Variants in COPS7B observed in about 807,000 individuals in gnomAD.
The protein encoded by COPS7B is COP9 signalosome subunit 7B, also known as COP9 signalosome complex subunit 7b.
In COPS7B, 9 loss-of-function variants were observed where a neutral mutation model predicts 33.4. That is an observed-to-expected ratio of 0.27 (90% confidence interval 0.16 to 0.47). The LOEUF is 0.47. COPS7B is among the 20% of genes least tolerant of loss of function. COPS7B has a pLI of 0.99. For synonymous variants in COPS7B, 119 were observed against 126.3 expected (o/e 0.94, Z 0.39); for missense variants, 242 against 318.2 (o/e 0.76, Z 1.82).
chr2:231,786,460 C>G lies in COPS7B; in HGVS notation c.-95C>G, dbSNP rs1332662636. The G allele has an allele frequency of 6.1e-6, 6 of 985,940 alleles. No homozygotes were observed. The highest frequency in any genetic ancestry group is 7.2e-6 in the Non-Finnish European group (6 of 830,116). 61.1% of individuals were successfully genotyped at this position (985,940 alleles called of 1,614,324 possible). A position where few individuals can be genotyped will look rare whatever the true frequency, so the allele number is the denominator to read the frequency against. Reference sequence around the variant, plus strand: ...GAAAAGCGCCGGACGCCGGGGTGATCATGGACGCTTGACAACCTGCGGGCA... The same window carrying G: ...GAAAAGCGCCGGACGCCGGGGTGATGATGGACGCTTGACAACCTGCGGGCA... On this transcript the variant is annotated 5_prime_UTR_variant, in exon 1 of 7. The change creates a new upstream start codon in the 5' untranslated region. Coordinates refer to ENST00000350033, the MANE Select transcript of COPS7B (RefSeq NM_022730.4).
At chr2:231,792,029 A>T (rs757707837) in intron 3 of COPS7B, 2 of 675,516 alleles carry the variant, frequency 3.0e-6, no homozygotes. Context: ...CTCATCCACA[A>T]ATGTAGCCCT....
At chr2:231,784,337 C>A (rs1475626609), upstream of COPS7B, among the ~76,000 whole-genome samples, 1 of 151,766 alleles carries the variant, frequency 6.6e-6, no homozygotes. Context: ...AATAAATTTG[C>A]CGGGTGTGGT....
chr2:231,797,770 T>A (rs2049616075), intron 5 of COPS7B, among the ~76,000 whole-genome samples: 2 of 152,230 alleles, frequency 1.3e-5, no homozygotes, highest in Non-Finnish European at 2.9e-5. Flanking sequence ...TTCAACTTTT[T>A]CATTTTTAAA....
intron 6 of COPS7B, chr2:231,801,069 C>T: frequency 7.9e-7 from 1 of 1,270,644 alleles, no homozygotes; most frequent in Non-Finnish European, 1.1e-6. Context: ...CTCTGTTACC[C>T]TTGGCCTAAC....
At chr2:231,783,596 A>G (rs548596157), upstream of COPS7B, among the ~76,000 whole-genome samples, 2 of 152,270 alleles carry the variant, frequency 1.3e-5, no homozygotes, top group Admixed American at 1.3e-4. Flanking sequence ...CAACTTTTAA[A>G]AATTGGGCTG....
At chr2:231,796,394 G>C (rs907819113) in intron 5 of COPS7B, 86 bp downstream of exon 5, 7 of 1,283,766 alleles carry the variant, frequency 5.5e-6, no homozygotes, top group African/African-American at 2.9e-5. Flanking sequence ...TCAGCTGAGG[G>C]TTTGGGGTGG....
At chr2:231,788,315 T>C (rs2049311696) in intron 1 of COPS7B, among the ~76,000 whole-genome samples, 1 of 152,130 alleles carries the variant, frequency 6.6e-6, no homozygotes. Flanking sequence ...TTTGTATTTT[T>C]AGTAGAGATG....
chr2:231,798,254 C>CTTTT (rs532747492), intron 5 of COPS7B, among the ~76,000 whole-genome samples: 11 of 116,744 alleles, frequency 9.4e-5, no homozygotes, highest in Non-Finnish European at 1.2e-4. Flanking sequence ...ATTCTACCTT[C>CTTTT]TTTTTTTTTT....
Position 231,808,577 on chromosome 2 carries a change from G to A in COPS7B, c.*932G>A. 2.1e-6 allele frequency: 1 copy of A among 469,964 alleles called. No individual in the cohort carries two copies. The highest frequency in any genetic ancestry group is 4.4e-6 in the Non-Finnish European group (1 of 226,580). 29.1% of individuals were successfully genotyped at this position (469,964 alleles called of 1,614,324 possible). A position where few individuals can be genotyped will look rare whatever the true frequency, so the allele number is the denominator to read the frequency against. The stretch of plus-strand genomic sequence containing the variant: ...GTCTTTTCACCCCTCCTTGGCTGAT[G>A]ACCCAGAGCCCTCTGATGATGGCAT... On this transcript the variant is annotated 3_prime_UTR_variant, in exon 7 of 7. Coordinates refer to ENST00000350033, the MANE Select transcript of COPS7B (RefSeq NM_022730.4).
chr2:231,794,214 C>A (rs1420512306), intron 3 of COPS7B, 49 bp from the exon 4 acceptor site: 2 of 1,507,626 alleles, frequency 1.3e-6, no homozygotes, highest in Non-Finnish European at 1.8e-6. Flanking sequence ...TAAAAGAAAT[C>A]CTAATTTTAT....
chr2:231,806,400 A>G (rs544713181), intron 6 of COPS7B, among the ~76,000 whole-genome samples: 75 of 152,148 alleles, frequency 4.9e-4, no homozygotes, highest in African/African-American at 1.6e-3. Flanking sequence ...TAAGTTTTTA[A>G]AAATTAGCCA....
upstream of COPS7B, chr2:231,781,986 A>G (rs866974930): frequency 4.4e-6 from 5 of 1,130,544 alleles, no homozygotes; most frequent in Middle Eastern, 2.0e-4. Context: ...CGCCTTTTAC[A>G]TGTATTTCAG....
chr2:231,807,085 G>A (rs556638808), intron 6 of COPS7B, among the ~76,000 whole-genome samples: 124 of 152,272 alleles, frequency 8.1e-4, no homozygotes, highest in African/African-American at 2.8e-3. Flanking sequence ...TCCTCTACTG[G>A]TTTATTCAAG....
At chr2:231,792,728 T>C (rs2049454075) in intron 3 of COPS7B, among the ~76,000 whole-genome samples, 1 of 152,244 alleles carries the variant, frequency 6.6e-6, no homozygotes, top group Non-Finnish European at 1.5e-5. Flanking sequence ...ATTTGGGTCA[T>C]TTTAAATTAT....
At chr2:231,802,886 A>C (rs1345001898) in intron 6 of COPS7B, among the ~76,000 whole-genome samples, 1 of 152,232 alleles carries the variant, frequency 6.6e-6, no homozygotes, top group African/African-American at 2.4e-5. Context: ...ACTTGAGCAA[A>C]GTGTCTCTGT....
At chr2:231,782,974 A>G (rs138515464), upstream of COPS7B, among the ~76,000 whole-genome samples, 131 of 152,288 alleles carry the variant, frequency 8.6e-4, no homozygotes, top group Non-Finnish European at 1.5e-3. Flanking sequence ...ATCCTTACAT[A>G]TTGAGATAAT....
chr2:231,803,985 C>T (rs1311042511), intron 6 of COPS7B, among the ~76,000 whole-genome samples: 1 of 152,178 alleles, frequency 6.6e-6, no homozygotes, highest in East Asian at 1.9e-4. Flanking sequence ...ACTCATCACT[C>T]AGCCCAGCCA....
chr2:231,795,461 A>G (rs1199104751), intron 4 of COPS7B, among the ~76,000 whole-genome samples: 1 of 152,174 alleles, frequency 6.6e-6, no homozygotes, highest in Non-Finnish European at 1.5e-5. Flanking sequence ...TGGGAGGCCT[A>G]TTTTGTTGTG....
intron 5 of COPS7B, among the ~76,000 whole-genome samples, chr2:231,798,342 C>T (rs1259331294): frequency 2.7e-5 from 4 of 146,036 alleles, no homozygotes; most frequent in African/African-American, 5.1e-5. Context: ...CTGCAACCTC[C>T]GCCTCCCGGG....
Sources: gnomAD v4.1 joint callset for allele counts (sites outside exome capture counted in the v4.1 genomes callset) on GRCh38, gnomAD v4.1.1 for gene constraint, MANE v1.5 for transcripts, NCBI Gene and HGNC (gene_info 2026-07-23, HGNC 2026-07-21) for gene names.